The following ADNP2 variants were observed in gnomAD, a reference collection of about 807,000 sequenced individuals.
The protein encoded by ADNP2 is ADNP homeobox 2.
Under a neutral mutation model 16.4 loss-of-function variants are expected in ADNP2, and 8 were observed. The observed-to-expected ratio is 0.49, with a 90% CI of 0.29 to 0.88. The LOEUF (loss-of-function observed/expected upper bound fraction) is 0.88. ADNP2 is among the 40% of genes least tolerant of loss of function. The pLI is 0.09. For synonymous variants in ADNP2, 637 were observed against 545.8 expected (o/e 1.17, Z -2.33); for missense variants, 1,397 against 1,395.1 (o/e 1.00, Z -0.02).
chr18:80,131,148 T>G (rs2052493525), intron 2 of ADNP2, among the ~76,000 whole-genome samples: 1 of 152,240 alleles, frequency 6.6e-6, no homozygotes, highest in Admixed American at 6.5e-5. Context: ...ACCCCTGCTC[T>G]GAGGATGCTG....
At chr18:80,126,801 G>A (rs1164015964) in intron 2 of ADNP2, among the ~76,000 whole-genome samples, 2 of 151,988 alleles carry the variant, frequency 1.3e-5, no homozygotes, top group African/African-American at 4.8e-5. Context: ...CCCCTCACCC[G>A]TTTGTCCCTG....
chr18:80,134,560 G>GT (rs1453177683), intron 3 of ADNP2, among the ~76,000 whole-genome samples: 2 of 152,046 alleles, frequency 1.3e-5, no homozygotes, highest in African/African-American at 2.4e-5. Context: ...GGGAGCAGGT[G>GT]TTTTGTGTTT....
chr18:80,138,035 G>T lies in ADNP2; in HGVS notation c.2622G>T (p.Val874=). 6.2e-7 allele frequency: 1 copy of T among 1,613,734 alleles called. No homozygotes were observed. The highest frequency in any genetic ancestry group is 8.5e-7 in the Non-Finnish European group (1 of 1,180,024). ...EGTPGSTGKR[V]STCPFCFGPF... is the part of the protein sequence containing the mutation. ...CCCCCGGGAGCACCGGCAAGCGAGTGTCCACCTGCCCCTTTTGCTTTGGCC... is the reference window on the plus strand; with the variant it reads ...CCCCCGGGAGCACCGGCAAGCGAGTTTCCACCTGCCCCTTTTGCTTTGGCC... The change falls in exon 4 of 4, where the codon GTG becomes GTT. Residue 874 remains valine (V), a synonymous_variant. Transcript: ENST00000262198.
intron 2 of ADNP2, among the ~76,000 whole-genome samples, chr18:80,129,337 A>G (rs1049235026): frequency 6.6e-6 from 1 of 152,138 alleles, no homozygotes. Context: ...TCCAGACCTC[A>G]GATGATCCAG....
intron 2 of ADNP2, among the ~76,000 whole-genome samples, chr18:80,132,619 CTTTTTTCTCTTTCTCTCT>C (rs2052504239): frequency 6.6e-6 from 1 of 151,308 alleles, no homozygotes; most frequent in South Asian, 2.1e-4. Flanking sequence ...CTTTCTCTTT[CTTTTTTCTCTTTCTCTCT>C]TTTTTTCTCT....
chr18:80,135,453 T>G (rs1230414241), intron 3 of ADNP2, among the ~76,000 whole-genome samples, 159 bp from the exon 4 acceptor site: 1 of 152,150 alleles, frequency 6.6e-6, no homozygotes, highest in African/African-American at 2.4e-5. Context: ...TCTCTGGCCC[T>G]TCACAGAAAA....
At position 80,117,584 on chromosome 18, in the gene ADNP2, G is replaced by A. The variant is rs2052397629; in HGVS notation, c.42G>A (p.Lys14=). 5 of 1,603,002 alleles carry A rather than the reference G, an allele frequency of 3.1e-6. No individual in the cohort carries two copies. The highest frequency in any genetic ancestry group is 4.2e-6 in the Non-Finnish European group (5 of 1,177,110). Residue 14 remains lysine, a synonymous_variant, in exon 2 of 4, where the codon AAG becomes AAA. Transcript: ENST00000262198. ...TGGAAAATCTTGACAACATCAGAAAGGTGCGAAAAAAGGTGAAAGGTATTC... is the reference window on the plus strand; with the variant it reads ...TGGAAAATCTTGACAACATCAGAAAAGTGCGAAAAAAGGTGAAAGGTATTC... ...IPVENLDNIR[K]VRKKVKGILV...
chr18:80,129,105 G>T (rs12971218), intron 2 of ADNP2, among the ~76,000 whole-genome samples: 3,619 of 81,002 alleles, frequency 0.045, 101 homozygotes, highest in South Asian at 0.092. Context: ...CTTTTTTTTT[G>T]TTTTTTTTTT....
rs1265654517 is a variant in ADNP2 at position 80,136,781 on chromosome 18, T to G, written c.1368T>G (p.Pro456=). 2 of 1,613,498 alleles carry G rather than the reference T, an allele frequency of 1.2e-6. No homozygotes were observed. The highest frequency in any genetic ancestry group is 1.7e-6 in the Non-Finnish European group (2 of 1,179,746). ...TCCTTCCTGCAGGCCAGATGACTCCTGCAGGCCAGATGACTCCTGCAGGGG... is the reference window on the plus strand; with the variant it reads ...TCCTTCCTGCAGGCCAGATGACTCCGGCAGGCCAGATGACTCCTGCAGGGG... The part of the protein sequence containing the change: ...SGVLPAGQMT[P]AGQMTPAGVI... Residue 456 remains proline, a synonymous_variant, in exon 4 of 4, where the codon CCT becomes CCG. Coordinates refer to ENST00000262198, the MANE Select transcript of ADNP2 (RefSeq NM_014913.4).
At chr18:80,112,937 A>G (rs1409081873) in intron 1 of ADNP2, among the ~76,000 whole-genome samples, 3 of 152,194 alleles carry the variant, frequency 2.0e-5, no homozygotes, top group African/African-American at 7.2e-5. Context: ...GCTTTTGGAG[A>G]AGAACCCCAG....
Position 80,109,366 on chromosome 18 carries a change from G to A in ADNP2, c.-120G>A, listed in dbSNP as rs1421771275. ...GGGTCCCGCCGCGCGGGGCGGAGGCGCGGGCGGGCGCAGGCGGCCCCACGG... is the reference window on the plus strand; with the variant it reads ...GGGTCCCGCCGCGCGGGGCGGAGGCACGGGCGGGCGCAGGCGGCCCCACGG... On this transcript the variant is annotated 5_prime_UTR_variant, in exon 1 of 4. Coordinates refer to ENST00000262198, the MANE Select transcript of ADNP2 (RefSeq NM_014913.4). 3 of 149,266 alleles carry A rather than the reference G, an allele frequency of 2.0e-5. No individual in the cohort carries two copies. Among genetic ancestry groups the A allele is most frequent in the African/African-American group, 2.4e-5 (1 of 41,134 alleles). 9.2% of individuals were successfully genotyped at this position (149,266 alleles called of 1,614,324 possible).
chr18:80,120,283 G>A (rs998782035), intron 2 of ADNP2, among the ~76,000 whole-genome samples: 2 of 152,034 alleles, frequency 1.3e-5, no homozygotes, highest in African/African-American at 4.8e-5. Context: ...GCTTTGTGCA[G>A]CTGTGCTAGT....
At position 80,128,746 on chromosome 18, in the gene ADNP2, G is replaced by A. The variant is rs117093946; in HGVS notation, c.109-4357G>A. Among the ~76,000 whole-genome samples the A allele has an allele frequency of 8.9e-3, 1,349 of 152,148 alleles. 9 individuals carry two copies. Among genetic ancestry groups the A allele is most frequent in the Middle Eastern group, 0.027 (8 of 294 alleles). ...TTGACTTGGTAAGCTACATACTAGC[G>A]TAGAGTTAAAGGTAATTGTATTAAC... On this transcript the variant is annotated intron_variant, in intron 2 of 3. Coordinates refer to ENST00000262198, the MANE Select transcript of ADNP2 (RefSeq NM_014913.4).
chr18:80,135,986 T>A lies in ADNP2; in HGVS notation c.573T>A (p.Thr191=). The A allele has an allele frequency of 6.2e-7, 1 of 1,614,212 alleles. No individual in the cohort carries two copies. The highest frequency in any genetic ancestry group is 1.3e-5 in the African/African-American group (1 of 75,046). ...YLINSYFGLR[T]EEMGEQPKTN... ...TTAACTCCTACTTTGGCCTAAGAAC[T>A]GAGGAAATGGGTGAGCAACCGAAAA... Residue 191 remains threonine, a synonymous_variant, in exon 4 of 4, where the codon ACT becomes ACA. Coordinates refer to ENST00000262198, the MANE Select transcript of ADNP2 (RefSeq NM_014913.4).
intron 1 of ADNP2, among the ~76,000 whole-genome samples, chr18:80,116,697 C>T (rs117359412): frequency 0.013 from 2,023 of 152,258 alleles, 29 homozygotes; most frequent in Middle Eastern, 0.024. Context: ...AATATAGTGG[C>T]GTGATCAGAC....
At chr18:80,113,078 C>T (rs2052367769) in intron 1 of ADNP2, among the ~76,000 whole-genome samples, 1 of 152,106 alleles carries the variant, frequency 6.6e-6, no homozygotes, top group Non-Finnish European at 1.5e-5. Context: ...CAGAAAGTGA[C>T]CTTGAGCTTA....
intron 2 of ADNP2, among the ~76,000 whole-genome samples, chr18:80,122,108 C>T (rs184214410): frequency 1.3e-5 from 2 of 152,084 alleles, no homozygotes; most frequent in East Asian, 1.9e-4. Flanking sequence ...TTAGTAGAGA[C>T]GGGGTTTTGT....
chr18:80,115,890 C>T (rs1174282826), intron 1 of ADNP2, among the ~76,000 whole-genome samples: 2 of 152,152 alleles, frequency 1.3e-5, no homozygotes, highest in African/African-American at 2.4e-5. Flanking sequence ...ATTCTCTTGC[C>T]TCAGCCTCCC....
intron 2 of ADNP2, 40 bp from the exon 3 acceptor site, chr18:80,133,063 T>C (rs773522460): frequency 2.9e-6 from 4 of 1,366,384 alleles, no homozygotes; most frequent in Non-Finnish European, 4.1e-6. Context: ...CTTTATCTTC[T>C]GAATTTACAT....
Sources: allele counts gnomAD v4.1 joint callset (sites outside exome capture counted in the v4.1 genomes callset), GRCh38; gene constraint gnomAD v4.1.1; transcripts MANE v1.5; gene names NCBI Gene and HGNC (gene_info 2026-07-23, HGNC 2026-07-21).